Variants in DNAJC3 observed in about 807,000 individuals in gnomAD.
DNAJC3 encodes the protein DnaJ heat shock protein family (Hsp40) member C3.
In DNAJC3, 38 loss-of-function variants were observed where a neutral mutation model predicts 68.6. The observed-to-expected ratio is 0.55, with a 90% CI of 0.43 to 0.73. DNAJC3 has a LOEUF of 0.73. Among genes scored for constraint, DNAJC3 ranks in the 30% least tolerant of loss-of-function variants. DNAJC3 has a pLI of 0.00. For synonymous variants in DNAJC3, 203 were observed against 204.0 expected (o/e 1.00, Z 0.04); for missense variants, 526 against 591.9 (o/e 0.89, Z 1.16).
chr13:95,739,371 G>A (rs1237686267), intron 4 of DNAJC3, among the ~76,000 whole-genome samples: 1 of 150,988 alleles, frequency 6.6e-6, no homozygotes, highest in African/African-American at 2.4e-5. Flanking sequence ...ACGTTGGCCT[G>A]CCTTGCTAGA....
In DNAJC3 at chr13:95,777,030, T is replaced by C. The variant is rs192810759; in HGVS notation, c.1076-8909T>C. Among the ~76,000 whole-genome samples the C allele has an allele frequency of 3.3e-5, 5 of 152,338 alleles. No individual in the cohort carries two copies. In the East Asian group the frequency reaches 9.6e-4, roughly 29 times the overall value. Reference sequence around the variant, plus strand: ...GTGTCTACTGGTTTTCCTTTGGCCATGGTTTCTTCAGCCATCACTTGGTGA... The same window carrying C: ...GTGTCTACTGGTTTTCCTTTGGCCACGGTTTCTTCAGCCATCACTTGGTGA... On this transcript the variant is annotated intron_variant, in intron 9 of 11. Coordinates refer to ENST00000602402, the MANE Select transcript of DNAJC3 (RefSeq NM_006260.5).
chr13:95,709,401 T>A, intron 2 of DNAJC3, 64 bp downstream of exon 2: 1 of 1,130,338 alleles, frequency 8.8e-7, no homozygotes, highest in South Asian at 1.6e-5. Flanking sequence ...TAGCTCTTTT[T>A]TTAAAAATAA....
At chr13:95,779,340 G>T (rs146715024) in intron 9 of DNAJC3, among the ~76,000 whole-genome samples, 1 of 151,764 alleles carries the variant, frequency 6.6e-6, no homozygotes, top group Non-Finnish European at 1.5e-5. Context: ...TAGCCAGGAT[G>T]GTCTCGATCT....
intron 9 of DNAJC3, among the ~76,000 whole-genome samples, chr13:95,776,592 G>A (rs1327351144): frequency 1.3e-5 from 2 of 152,084 alleles, no homozygotes; most frequent in Non-Finnish European, 2.9e-5. Flanking sequence ...ATCTTTTTGC[G>A]ATTTGGCCTG....
chr13:95,690,029 G>A lies in DNAJC3; in HGVS notation c.82+12692G>A, dbSNP rs185502055. Among the ~76,000 whole-genome samples the A allele has an allele frequency of 3.6e-3, 544 of 149,580 alleles. 4 individuals are homozygous for A. Among genetic ancestry groups the A allele is most frequent in the African/African-American group, 0.013 (508 of 40,506 alleles). On this transcript the variant is annotated intron_variant, in intron 1 of 11. Coordinates refer to ENST00000602402, the MANE Select transcript of DNAJC3 (RefSeq NM_006260.5). ...TATTGATCATTCTTGGGTGTTTCTC[G>A]CAGAGGGGGATTTGGCAGGGTCACA...
Position 95,677,386 on chromosome 13 carries a change from C to T in DNAJC3, c.82+49C>T, listed in dbSNP as rs17882245. 6.1e-5 allele frequency: 93 copies of T among 1,528,166 alleles called. 1 individual carries two copies. In the South Asian group the frequency reaches 1.1e-3, roughly 18 times the overall value. The allele number at this position is 1,528,166 out of a possible 1,614,324, so 94.7% of individuals were successfully genotyped here. On this transcript the variant is annotated intron_variant, in intron 1 of 11. Coordinates refer to ENST00000602402, the MANE Select transcript of DNAJC3 (RefSeq NM_006260.5). ...AGGAAGTGGGCTCCCGGACCAGGCC[C>T]CCCGCGCTTTCCCGTCTGCGCCCGG...
intron 4 of DNAJC3, among the ~76,000 whole-genome samples, chr13:95,738,161 A>G (rs969149722): frequency 1.4e-4 from 20 of 147,998 alleles, no homozygotes; most frequent in Admixed American, 6.7e-5. Flanking sequence ...CCTGAGTTCT[A>G]GTTTGATTGC....
chr13:95,773,153 T>G (rs1445073910), intron 9 of DNAJC3, among the ~76,000 whole-genome samples: 5 of 82,702 alleles, frequency 6.0e-5, no homozygotes, highest in African/African-American at 2.3e-4. Flanking sequence ...ACAAATTTAG[T>G]TTTTTTTTTT....
chr13:95,777,568 A>C (rs1037754256), intron 9 of DNAJC3, among the ~76,000 whole-genome samples: 2 of 152,212 alleles, frequency 1.3e-5, no homozygotes, highest in Admixed American at 6.5e-5. Context: ...TAATTTAGTT[A>C]AGTCAAAATT....
chr13:95,733,123 A>G (rs1566489176), intron 4 of DNAJC3, among the ~76,000 whole-genome samples: 1 of 152,118 alleles, frequency 6.6e-6, no homozygotes, highest in Non-Finnish European at 1.5e-5. Flanking sequence ...TTAGGGTAAC[A>G]TGTTCTGTGA....
intron 1 of DNAJC3, among the ~76,000 whole-genome samples, chr13:95,682,039 T>A (rs1216262957): frequency 6.6e-6 from 1 of 152,230 alleles, no homozygotes; most frequent in Non-Finnish European, 1.5e-5. Context: ...ATGTTGCTCC[T>A]ACAGTTGTAT....
chr13:95,786,968 A>G, intron 10 of DNAJC3, 39 bp from the exon 11 acceptor site: 1 of 1,582,242 alleles, frequency 6.3e-7, no homozygotes, highest in Non-Finnish European at 8.5e-7. Context: ...TATGTTAGAC[A>G]CTTTTCCACT....
At chr13:95,704,849 G>GTTTTTTTTT (rs1292968162) in intron 1 of DNAJC3, among the ~76,000 whole-genome samples, 16 of 102,854 alleles carry the variant, frequency 1.6e-4, no homozygotes, top group African/African-American at 1.2e-3. Context: ...CTGTGTGTGT[G>GTTTTTTTTT]TGTTTTTTTT....
At chr13:95,689,975 T>C (rs1880183202) in intron 1 of DNAJC3, among the ~76,000 whole-genome samples, 1 of 151,556 alleles carries the variant, frequency 6.6e-6, no homozygotes, top group Non-Finnish European at 1.5e-5. Context: ...GATTTGGACT[T>C]TTTTTTTTCT....
intron 4 of DNAJC3, among the ~76,000 whole-genome samples, chr13:95,748,964 A>T (rs749151571): frequency 6.6e-6 from 1 of 152,260 alleles, no homozygotes; most frequent in Non-Finnish European, 1.5e-5. Flanking sequence ...TATGATTCAG[A>T]TAACTGTTCT....
At chr13:95,766,213 A>G in intron 9 of DNAJC3, among the ~76,000 whole-genome samples, 1 of 152,200 alleles carries the variant, frequency 6.6e-6, no homozygotes, top group East Asian at 1.9e-4. Context: ...AAGAATGAAT[A>G]GGTTTAGGTT....
At chr13:95,728,533 T>C (rs1381583294) in intron 4 of DNAJC3, among the ~76,000 whole-genome samples, 1 of 152,232 alleles carries the variant, frequency 6.6e-6, no homozygotes, top group Non-Finnish European at 1.5e-5. Flanking sequence ...TGCTTTTTTA[T>C]TGTTGTGTTT....
chr13:95,678,613 A>C (rs1210877346), intron 1 of DNAJC3, among the ~76,000 whole-genome samples: 3 of 152,124 alleles, frequency 2.0e-5, no homozygotes, highest in Admixed American at 2.0e-4. Flanking sequence ...CAAAAGCTTC[A>C]TTCCTCCTGC....
intron 9 of DNAJC3, among the ~76,000 whole-genome samples, chr13:95,771,057 T>C (rs1457737088): frequency 1.6e-4 from 24 of 152,172 alleles, no homozygotes; most frequent in Admixed American, 1.6e-3. Context: ...CTATGCCTTA[T>C]CACATTTATC....
Sources: gnomAD v4.1 joint callset for allele counts (sites outside exome capture counted in the v4.1 genomes callset) on GRCh38, gnomAD v4.1.1 for gene constraint, MANE v1.5 for transcripts, NCBI Gene and HGNC (gene_info 2026-07-23, HGNC 2026-07-21) for gene names.